Variants in SLC4A7 observed in about 807,000 individuals in gnomAD.
The protein encoded by SLC4A7 is solute carrier family 4 member 7, also known as sodium bicarbonate cotransporter 3.
SLC4A7 carries 51 observed loss-of-function variants against 137.6 expected under a neutral mutation model. The ratio of observed to expected loss-of-function variants is 0.37; its 90% confidence interval spans 0.30 to 0.47. The LOEUF (loss-of-function observed/expected upper bound fraction) is 0.47. SLC4A7 is among the 20% of genes least tolerant of loss of function. SLC4A7 has a pLI of 1.00. For missense variants in SLC4A7, 1,247 were observed against 1,525.4 expected (o/e 0.82, Z 3.04); for synonymous variants, 542 against 518.6 (o/e 1.05, Z -0.61).
At chr3:27,442,494 C>T (rs963039925) in intron 3 of SLC4A7, among the ~76,000 whole-genome samples, 5 of 149,632 alleles carry the variant, frequency 3.3e-5, no homozygotes, top group South Asian at 2.1e-4. Flanking sequence ...GGTGCAGTGG[C>T]GCAATCTCGG....
In SLC4A7 at chr3:27,443,024, C is replaced by CTTTTTTTTTT. The variant is rs1156950293; in HGVS notation, c.290-5499_290-5498insAAAAAAAAAA. Among the ~76,000 whole-genome samples the CTTTTTTTTTT allele has an allele frequency of 1.7e-3, 177 of 102,110 alleles. 9 individuals are homozygous for CTTTTTTTTTT. The highest frequency in any genetic ancestry group is 3.4e-3 in the East Asian group (9 of 2,648). 67.0% of individuals were successfully genotyped at this position (102,110 alleles called of 152,430 possible). A position where few individuals can be genotyped will look rare whatever the true frequency, so the allele number is the denominator to read the frequency against. ...CACCGCGCTGGGCATTCTCTTTTTTCTTTTTTTCTTTTTTTTTTTTTTTTT... is the reference window on the plus strand; with the variant it reads ...CACCGCGCTGGGCATTCTCTTTTTTCTTTTTTTTTTTTTTTTTCTTTTTTTTTTTTTTTTT... On this transcript the variant is annotated intron_variant, in intron 3 of 25. Transcript: ENST00000454389.
At chr3:27,457,654 C>A (rs879365427) in intron 1 of SLC4A7, among the ~76,000 whole-genome samples, 2 of 152,144 alleles carry the variant, frequency 1.3e-5, no homozygotes, top group Non-Finnish European at 2.9e-5. Flanking sequence ...GTCTACTATG[C>A]ACTTTGAATG....
At chr3:27,396,891 T>C (rs748387348) in intron 18 of SLC4A7, among the ~76,000 whole-genome samples, 1 of 152,242 alleles carries the variant, frequency 6.6e-6, no homozygotes, top group African/African-American at 2.4e-5. Context: ...TCAGATCATT[T>C]TTCTTATAGA....
chr3:27,446,116 A>ATG (rs1354092223), intron 3 of SLC4A7, among the ~76,000 whole-genome samples: 1 of 93,240 alleles, frequency 1.1e-5, no homozygotes, highest in Non-Finnish European at 2.5e-5. Context: ...TCATTTAACT[A>ATG]TGTGTGTGTG....
At chr3:27,447,795 A>G (rs1048267591) in intron 3 of SLC4A7, among the ~76,000 whole-genome samples, 1 of 152,056 alleles carries the variant, frequency 6.6e-6, no homozygotes, top group Non-Finnish European at 1.5e-5. Flanking sequence ...TTCAAGTAAC[A>G]AACAAAAAAA....
chr3:27,439,430 T>A (rs1283999409), intron 3 of SLC4A7, among the ~76,000 whole-genome samples: 1 of 152,192 alleles, frequency 6.6e-6, no homozygotes, highest in African/African-American at 2.4e-5. Flanking sequence ...TGATTGAACT[T>A]CCTACTGTAT....
chr3:27,455,241 G>A (rs1164812917), intron 1 of SLC4A7, among the ~76,000 whole-genome samples: 1 of 152,182 alleles, frequency 6.6e-6, no homozygotes, highest in Non-Finnish European at 1.5e-5. Flanking sequence ...CCCAAAAAAT[G>A]GAAGTAGATC....
intron 15 of SLC4A7, 93 bp from the exon 16 acceptor site, chr3:27,400,962 T>TC: frequency 1.5e-6 from 1 of 689,162 alleles, no homozygotes; most frequent in Non-Finnish European, 2.5e-6. Flanking sequence ...GATTTTAACT[T>TC]CTTTTTTTCC....
intron 1 of SLC4A7, 81 bp downstream of exon 1, chr3:27,483,986 G>T: frequency 1.8e-6 from 2 of 1,120,124 alleles, no homozygotes; most frequent in East Asian, 3.5e-5. Context: ...GAGCCGCGAC[G>T]CCCGCCGCGC....
At chr3:27,382,786 C>G (rs529410523) in intron 24 of SLC4A7, among the ~76,000 whole-genome samples, 4 of 152,196 alleles carry the variant, frequency 2.6e-5, no homozygotes, top group African/African-American at 9.6e-5. Flanking sequence ...ACCCACCGAC[C>G]CCAGCCCTAA....
rs746580062 is a variant in SLC4A7, at chr3:27,433,992, G to A, written c.702C>T (p.Thr234=). 6 of 1,613,746 alleles carry A rather than the reference G, an allele frequency of 3.7e-6. No individual in the cohort carries two copies. In the East Asian group the frequency reaches 6.7e-5, roughly 18 times the overall value. The change falls in exon 6 of 26, where the codon ACC becomes ACT. Residue 234 remains threonine (T), a synonymous_variant. Transcript: ENST00000454389. ...RHHHQNEKRF[T]SRIPLVRSFA... is the part of the protein sequence containing the mutation. Reference sequence around the variant, plus strand: ...AAGATCGAACAAGAGGAATCCGACTGGTGAATCTTTTCTCATTCTGATGAT... The same window carrying A: ...AAGATCGAACAAGAGGAATCCGACTAGTGAATCTTTTCTCATTCTGATGAT...
At chr3:27,408,868 C>A (rs2053636856) in intron 13 of SLC4A7, among the ~76,000 whole-genome samples, 1 of 152,180 alleles carries the variant, frequency 6.6e-6, no homozygotes, top group African/African-American at 2.4e-5. Context: ...AATGCCACTT[C>A]AAAAAGCCAC....
At chr3:27,393,042 A>G (rs139342118) in intron 20 of SLC4A7, among the ~76,000 whole-genome samples, 129 of 152,246 alleles carry the variant, frequency 8.5e-4, no homozygotes, top group African/African-American at 2.6e-3. Flanking sequence ...AAGGTCTGAG[A>G]TCTGTTTAGC....
rs1248117293 is a variant in SLC4A7 at position 27,448,673 on chromosome 3, A to G, written c.267T>C (p.Asp89=). Residue 89 remains aspartate (D), a synonymous_variant, in exon 3 of 26, where the codon GAT becomes GAC. Transcript: ENST00000454389. ...RRKDKESDKE[D]GRESPSYDTP... is the part of the protein sequence containing the mutation. Reference sequence around the variant, plus strand: ...TACCATAAGAAGGAGATTCCCGTCCATCTTCTTTATCTGATTCTTTATCTT... The same window carrying G: ...TACCATAAGAAGGAGATTCCCGTCCGTCTTCTTTATCTGATTCTTTATCTT... The G allele has an allele frequency of 6.2e-7, 1 of 1,612,450 alleles. No homozygotes were observed. Among genetic ancestry groups the G allele is most frequent in the East Asian group, 2.2e-5 (1 of 44,858 alleles).
At chr3:27,464,176 G>C (rs549314614) in intron 1 of SLC4A7, among the ~76,000 whole-genome samples, 4 of 151,998 alleles carry the variant, frequency 2.6e-5, no homozygotes, top group Admixed American at 2.6e-4. Flanking sequence ...TCAAAAAAAA[G>C]AAAACACACT....
At chr3:27,425,458 C>T (rs2055481644) in intron 7 of SLC4A7, among the ~76,000 whole-genome samples, 2 of 150,474 alleles carry the variant, frequency 1.3e-5, no homozygotes, top group Non-Finnish European at 3.0e-5. Context: ...GGACGGATCA[C>T]CTGAGGCTGG....
chr3:27,435,408 T>C (rs1203491480), intron 5 of SLC4A7, among the ~76,000 whole-genome samples: 1 of 152,208 alleles, frequency 6.6e-6, no homozygotes, highest in Non-Finnish European at 1.5e-5. Context: ...ATAACTGGCC[T>C]ACTTGCTTCT....
intron 5 of SLC4A7, among the ~76,000 whole-genome samples, 162 bp downstream of exon 5, chr3:27,436,226 C>A (rs1224889487): frequency 2.0e-5 from 3 of 152,176 alleles, no homozygotes; most frequent in Non-Finnish European, 4.4e-5. Context: ...ACACTTATGT[C>A]GGTTTAATTT....
chr3:27,454,990 A>G (rs1264576034), intron 1 of SLC4A7, among the ~76,000 whole-genome samples: 1 of 150,874 alleles, frequency 6.6e-6, no homozygotes, highest in African/African-American at 2.4e-5. Flanking sequence ...ATGCTCCCAC[A>G]TGTACCAAAC....
Sources: gnomAD v4.1 joint callset for allele counts (sites outside exome capture counted in the v4.1 genomes callset) on GRCh38, gnomAD v4.1.1 for gene constraint, MANE v1.5 for transcripts, NCBI Gene and HGNC (gene_info 2026-07-23, HGNC 2026-07-21) for gene names.